Variants in MPHOSPH6 observed in about 807,000 individuals in gnomAD.
MPHOSPH6 encodes the protein M-phase phosphoprotein 6.
A neutral mutation model predicts 21.8 loss-of-function variants in MPHOSPH6; 25 were observed. That is an observed-to-expected ratio of 1.15 (90% CI 0.83 to 1.60). The LOEUF (loss-of-function observed/expected upper bound fraction) is 1.60, where lower values mean the gene tolerates loss of function less well. Among genes scored for constraint, MPHOSPH6 ranks in the 40% most tolerant of loss-of-function variants. MPHOSPH6 has a pLI of 0.00. For synonymous variants in MPHOSPH6, 84 were observed against 56.5 expected (o/e 1.49, Z -2.18); for missense variants, 269 against 181.8 (o/e 1.48, Z -2.76).
chr16:82,162,709 A>C (rs1297713670), intron 2 of MPHOSPH6, among the ~76,000 whole-genome samples: 1 of 152,170 alleles, frequency 6.6e-6, no homozygotes, highest in East Asian at 1.9e-4. Flanking sequence ...GTCTCTCCTC[A>C]GTCTGAGAGT....
chr16:82,150,693 T>C (rs1263697232), intron 3 of MPHOSPH6, among the ~76,000 whole-genome samples: 1 of 152,226 alleles, frequency 6.6e-6, no homozygotes, highest in African/African-American at 2.4e-5. Context: ...AGGACAGGGA[T>C]GTGGTTCGTC....
rs1418457856 is a variant in MPHOSPH6 at position 82,165,114 on chromosome 16, C to CTTTTTTTTTTTTTTTTTTTTTTTTTTT, written c.52-921_52-920insAAAAAAAAAAAAAAAAAAAAAAAAAAA. On this transcript the variant is annotated intron_variant, in intron 1 of 4. Coordinates refer to ENST00000258169, the MANE Select transcript of MPHOSPH6 (RefSeq NM_005792.2). ...TTTCCCTTATTCAGGTCCGATATTT[C>CTTTTTTTTTTTTTTTTTTTTTTTTTTT]TTTTTTATTTTTTTTTTTATTTTTT... is the stretch of plus-strand genomic sequence containing the variant. Among the ~76,000 whole-genome samples, 13 of 63,928 alleles carry CTTTTTTTTTTTTTTTTTTTTTTTTTTT rather than the reference C, an allele frequency of 2.0e-4. 5 individuals are homozygous for CTTTTTTTTTTTTTTTTTTTTTTTTTTT. Among genetic ancestry groups the CTTTTTTTTTTTTTTTTTTTTTTTTTTT allele is most frequent in the African/African-American group, 5.5e-4 (8 of 14,608 alleles). 41.9% of individuals were successfully genotyped at this position (63,928 alleles called of 152,430 possible). A position where few individuals can be genotyped will look rare whatever the true frequency, so the allele number is the denominator to read the frequency against.
chr16:82,166,216 C>T (rs541927897), intron 1 of MPHOSPH6, among the ~76,000 whole-genome samples: 2 of 152,316 alleles, frequency 1.3e-5, no homozygotes, highest in East Asian at 3.9e-4. Context: ...GAATCTATCA[C>T]TATTTTAAGT....
chr16:82,150,015 T>C, intron 3 of MPHOSPH6, among the ~76,000 whole-genome samples: 1 of 138,308 alleles, frequency 7.2e-6, no homozygotes, highest in Middle Eastern at 3.5e-3. Flanking sequence ...CCTCTGACCT[T>C]TTTTTTTTTA....
rs531739252 is a variant in MPHOSPH6, at chr16:82,168,898, T to C, written c.51+1227A>G. 1.2e-4 allele frequency among the ~76,000 whole-genome samples: 18 copies of C among 152,262 alleles called. No individual in the cohort carries two copies. In the South Asian group the frequency reaches 1.2e-3, roughly 11 times the overall value. ...GTGACAGGCATCACAGAGTACAGAG[T>C]AGTAATAAAGAGCCAGGGTTCTGGA... On this transcript the variant is annotated intron_variant, in intron 1 of 4. Transcript: ENST00000258169.
At chr16:82,168,180 C>G (rs1417552723) in intron 1 of MPHOSPH6, among the ~76,000 whole-genome samples, 2 of 152,106 alleles carry the variant, frequency 1.3e-5, no homozygotes, top group Non-Finnish European at 2.9e-5. Context: ...TAGTTTGAGC[C>G]TGAGTCACCC....
chr16:82,154,807 C>G (rs7202424), intron 2 of MPHOSPH6, among the ~76,000 whole-genome samples: 9,576 of 152,172 alleles, frequency 0.063, 549 homozygotes, highest in African/African-American at 0.14. Flanking sequence ...GTGAATTTCA[C>G]CAAGCATTTA....
Position 82,148,594 on chromosome 16 carries a change from G to C in MPHOSPH6, c.*137C>G. The C allele has an allele frequency of 9.0e-7, 1 of 1,106,362 alleles. No individual in the cohort carries two copies. The highest frequency in any genetic ancestry group is 1.2e-6 in the Non-Finnish European group (1 of 805,514). The allele number at this position is 1,106,362 out of a possible 1,614,324, so 68.5% of individuals were successfully genotyped here. On this transcript the variant is annotated 3_prime_UTR_variant, in exon 5 of 5. Coordinates refer to ENST00000258169, the MANE Select transcript of MPHOSPH6 (RefSeq NM_005792.2). ...CCATCACACATCTGTTTCAAAAACA[G>C]CATGTTTCTAAAATGATAATCTCTT...
chr16:82,151,661 T>A (rs1034755712), intron 2 of MPHOSPH6, 147 bp from the exon 3 acceptor site: 6 of 1,236,548 alleles, frequency 4.9e-6, no homozygotes, highest in African/African-American at 1.5e-5. Flanking sequence ...GGGTTAAAAA[T>A]AAAATCTGAT....
In MPHOSPH6 at chr16:82,148,908, G is replaced by A. The variant is rs143800062; in HGVS notation, c.351-45C>T. ...CACACGTTTAATTTCAAATAAAAAGGTAGGGATCAAGCCTTGTCAAGAATA... is the reference window on the plus strand; with the variant it reads ...CACACGTTTAATTTCAAATAAAAAGATAGGGATCAAGCCTTGTCAAGAATA... On this transcript the variant is annotated intron_variant, in intron 4 of 4. Transcript: ENST00000258169. The A allele has an allele frequency of 1.4e-5, 23 of 1,607,966 alleles. No individual in the cohort carries two copies. The East Asian group carries it at 4.0e-4, about 28-fold the overall frequency.
intron 1 of MPHOSPH6, among the ~76,000 whole-genome samples, chr16:82,165,361 T>C (rs1412868892): frequency 6.6e-6 from 1 of 151,914 alleles, no homozygotes; most frequent in Non-Finnish European, 1.5e-5. Context: ...CCTGACTTTG[T>C]GATCCACCCG....
At chr16:82,163,104 C>T (rs1456799864) in intron 2 of MPHOSPH6, among the ~76,000 whole-genome samples, 1 of 152,184 alleles carries the variant, frequency 6.6e-6, no homozygotes, top group African/African-American at 2.4e-5. Flanking sequence ...TACTTTCTAT[C>T]TTTAGAGAAG....
intron 2 of MPHOSPH6, among the ~76,000 whole-genome samples, chr16:82,159,227 G>A (rs1747726807): frequency 6.6e-6 from 1 of 152,278 alleles, no homozygotes; most frequent in Admixed American, 6.5e-5. Flanking sequence ...CAATGTTAAA[G>A]AGATTTGCAA....
Position 82,148,627 on chromosome 16 carries a change from AAACGTTAC to A in MPHOSPH6, c.*96_*103del, listed in dbSNP as rs1906157511. 13 of 1,338,404 alleles carry A rather than the reference AAACGTTAC, an allele frequency of 9.7e-6. No individual in the cohort carries two copies. The highest frequency in any genetic ancestry group is 1.3e-5 in the Non-Finnish European group (13 of 992,254). The allele number at this position is 1,338,404 out of a possible 1,614,324, so 82.9% of individuals were successfully genotyped here. On this transcript the variant is annotated 3_prime_UTR_variant, in exon 5 of 5. Coordinates refer to ENST00000258169, the MANE Select transcript of MPHOSPH6 (RefSeq NM_005792.2). Reference sequence around the variant, plus strand: ...CTAAAATGATAATCTCTTTACAAGTAAACGTTACAGTATTAATAACTATAGAGACACCA... The same window carrying A: ...CTAAAATGATAATCTCTTTACAAGTAAGTATTAATAACTATAGAGACACCA...
At position 82,155,488 on chromosome 16, in the gene MPHOSPH6, T is replaced by C. The variant is rs950530201; in HGVS notation, c.165-3974A>G. ...TACGAAGTCAACGTACAACCTTCAA[T>C]TTCTACACACCCCTCCACCCCATAC... On this transcript the variant is annotated intron_variant, in intron 2 of 4. Transcript: ENST00000258169. Among the ~76,000 whole-genome samples, 7 of 152,158 alleles carry C rather than the reference T, an allele frequency of 4.6e-5. No individual in the cohort carries two copies. The East Asian group carries it at 1.3e-3, about 29-fold the overall frequency.
intron 1 of MPHOSPH6, among the ~76,000 whole-genome samples, chr16:82,168,541 G>A (rs1333048096): frequency 6.7e-6 from 1 of 148,772 alleles, no homozygotes; most frequent in African/African-American, 2.5e-5. Flanking sequence ...CGCCATCTCA[G>A]CTCACTGCAG....
intron 2 of MPHOSPH6, among the ~76,000 whole-genome samples, chr16:82,154,597 G>A (rs1041257237): frequency 3.3e-5 from 5 of 151,028 alleles, no homozygotes; most frequent in Admixed American, 6.6e-5. Flanking sequence ...CAGAAAGCCT[G>A]AATTAAGAAA....
At chr16:82,162,041 T>C (rs1335770004) in intron 2 of MPHOSPH6, among the ~76,000 whole-genome samples, 1 of 152,246 alleles carries the variant, frequency 6.6e-6, no homozygotes, top group Non-Finnish European at 1.5e-5. Flanking sequence ...GTGTACTTCA[T>C]ATATTCAGAT....
chr16:82,167,671 C>CAT (rs1341059015), intron 1 of MPHOSPH6: 1 of 153,120 alleles, frequency 6.5e-6, no homozygotes, highest in African/African-American at 2.4e-5. Context: ...GTAGATCCCT[C>CAT]ATATGCACAG....
Sources: gnomAD v4.1 joint callset for allele counts (sites outside exome capture counted in the v4.1 genomes callset) on GRCh38, gnomAD v4.1.1 for gene constraint, MANE v1.5 for transcripts, NCBI Gene and HGNC (gene_info 2026-07-23, HGNC 2026-07-21) for gene names.